TARS3: variants seen among roughly 807,000 people sequenced by gnomAD.
TARS3 encodes the protein threonyl-tRNA synthetase 3, also known as threonine--tRNA ligase 2, cytoplasmic.
A neutral mutation model predicts 103.5 loss-of-function variants in TARS3; 94 were observed. The observed-to-expected ratio is 0.91, with a 90% CI of 0.77 to 1.08. The LOEUF is 1.08. Among genes scored for constraint, TARS3 ranks in the 50% least tolerant of loss-of-function variants. The pLI is 0.00. For synonymous variants in TARS3, 416 were observed against 355.4 expected (o/e 1.17, Z -1.92); for missense variants, 952 against 995.2 (o/e 0.96, Z 0.58).
In TARS3 at chr15:101,653,604, T is replaced by C. The variant is rs1376303895; in HGVS notation, c.*978A>G. 1.3e-5 allele frequency: 2 copies of C among 152,258 alleles called. No individual in the cohort carries two copies. Among genetic ancestry groups the C allele is most frequent in the Non-Finnish European group, 2.9e-5 (2 of 68,050 alleles). 9.4% of individuals were successfully genotyped at this position (152,258 alleles called of 1,614,324 possible). ...CTTATACTACTACACAAGCCTGATA[T>C]ATATTGTTTTGTTTGCCAACTGTTT... On this transcript the variant is annotated 3_prime_UTR_variant, in exon 19 of 19. Transcript: ENST00000335968.
intron 9 of TARS3, among the ~76,000 whole-genome samples, chr15:101,701,615 G>A (rs1247027158): frequency 7.2e-5 from 11 of 152,188 alleles, no homozygotes; most frequent in Admixed American, 7.2e-4. Flanking sequence ...CAGCAAGGAA[G>A]ACAAGGACAC....
At position 101,684,953 on chromosome 15, in the gene TARS3, C is replaced by G. The variant is rs185598377; in HGVS notation, c.1488-716G>C. On this transcript the variant is annotated intron_variant, in intron 11 of 18. Coordinates refer to ENST00000335968, the MANE Select transcript of TARS3 (RefSeq NM_152334.3). ...AGAAGATGAGTTAAGAAATTGTTAA[C>G]ACAAGTGTTTTACAATGCAAAACAC... Among the ~76,000 whole-genome samples, 6 of 152,294 alleles carry G rather than the reference C, an allele frequency of 3.9e-5. No individual in the cohort carries two copies. In the East Asian group the frequency reaches 7.7e-4, roughly 20 times the overall value.
At chr15:101,670,708 A>G (rs1297074529) in intron 15 of TARS3, among the ~76,000 whole-genome samples, 1 of 152,208 alleles carries the variant, frequency 6.6e-6, no homozygotes. Context: ...CTATACACTA[A>G]TATCTACAGC....
chr15:101,681,651 G>A (rs1025250249), intron 12 of TARS3, among the ~76,000 whole-genome samples: 3 of 152,170 alleles, frequency 2.0e-5, no homozygotes, highest in Non-Finnish European at 2.9e-5. Flanking sequence ...GTTTGCCAAC[G>A]GCTGACTTCT....
Position 101,653,770 on chromosome 15 carries a change from A to C in TARS3, c.*812T>G, listed in dbSNP as rs934712199. 11 of 152,234 alleles carry C rather than the reference A, an allele frequency of 7.2e-5. No individual in the cohort carries two copies. Among genetic ancestry groups the C allele is most frequent in the African/African-American group, 2.4e-4 (10 of 41,466 alleles). 9.4% of individuals were successfully genotyped at this position (152,234 alleles called of 1,614,324 possible). A position where few individuals can be genotyped will look rare whatever the true frequency, so the allele number is the denominator to read the frequency against. On this transcript the variant is annotated 3_prime_UTR_variant, in exon 19 of 19. Transcript: ENST00000335968. ...TGGTAGCTGAATTCTCTATTGACATAATGCCATTTTAATTCAGTTCTGAGC... is the reference window on the plus strand; with the variant it reads ...TGGTAGCTGAATTCTCTATTGACATCATGCCATTTTAATTCAGTTCTGAGC...
intron 14 of TARS3, 33 bp from the exon 15 acceptor site, chr15:101,671,619 GTATT>G: frequency 1.2e-6 from 2 of 1,608,232 alleles, no homozygotes; most frequent in Non-Finnish European, 1.7e-6. Context: ...TCAGAAAAGA[GTATT>G]TATTTTTCTT....
chr15:101,701,723 C>T (rs1031202212), intron 9 of TARS3, among the ~76,000 whole-genome samples: 5 of 152,236 alleles, frequency 3.3e-5, no homozygotes, highest in Admixed American at 3.3e-4. Flanking sequence ...CTTCTACACG[C>T]TGCTCTGTCT....
intron 12 of TARS3, among the ~76,000 whole-genome samples, chr15:101,677,632 G>A (rs1179966700): frequency 1.3e-5 from 2 of 152,096 alleles, no homozygotes; most frequent in African/African-American, 4.8e-5. Context: ...CTGAGTAGCT[G>A]GGATTACAGG....
Position 101,698,062 on chromosome 15 carries a change from C to T in TARS3, c.1320+3024G>A, listed in dbSNP as rs1043161365. Among the ~76,000 whole-genome samples the T allele has an allele frequency of 6.6e-5, 10 of 152,298 alleles. No homozygotes were observed. The East Asian group carries it at 1.2e-3, about 18-fold the overall frequency. ...GAGAACAAAGCTACCCCAGGCCGGG[C>T]GCGGTGACTCACGCCTGTAATCCCA... is the stretch of plus-strand genomic sequence containing the variant. On this transcript the variant is annotated intron_variant, in intron 10 of 18. Coordinates refer to ENST00000335968, the MANE Select transcript of TARS3 (RefSeq NM_152334.3).
At chr15:101,661,914 T>C (rs1567322722) in intron 15 of TARS3, 98 bp from the exon 16 acceptor site, 1 of 661,006 alleles carries the variant, frequency 1.5e-6, no homozygotes, top group Non-Finnish European at 2.4e-6. Flanking sequence ...AGATTAGTGA[T>C]ATCAGATCTC....
chr15:101,710,829 G>A (rs1286401042), intron 5 of TARS3, among the ~76,000 whole-genome samples: 1 of 152,078 alleles, frequency 6.6e-6, no homozygotes, highest in Non-Finnish European at 1.5e-5. Context: ...GGAGAGGGGG[G>A]TGGGAGAACT....
intron 10 of TARS3, among the ~76,000 whole-genome samples, chr15:101,698,198 G>A (rs2141424449): frequency 6.6e-6 from 1 of 152,284 alleles, no homozygotes; most frequent in Middle Eastern, 3.4e-3. Flanking sequence ...CTGGCATGGT[G>A]GCAGGCGCCT....
intron 7 of TARS3, among the ~76,000 whole-genome samples, chr15:101,705,056 G>A (rs930463445): frequency 2.6e-5 from 4 of 152,160 alleles, no homozygotes; most frequent in South Asian, 2.1e-4. Context: ...CCAGATGGCC[G>A]GAACACACGG....
At chr15:101,698,325 T>A (rs1162896041) in intron 10 of TARS3, among the ~76,000 whole-genome samples, 13 of 151,842 alleles carry the variant, frequency 8.6e-5, no homozygotes, top group Non-Finnish European at 2.9e-5. Flanking sequence ...ACAGCGAGAC[T>A]CTGTCTCAAA....
intron 11 of TARS3, among the ~76,000 whole-genome samples, chr15:101,685,484 GTAT>G (rs1898429975): frequency 2.6e-5 from 4 of 152,096 alleles, no homozygotes. Context: ...AAGAAAAATG[GTAT>G]CTTGGAATCA....
intron 10 of TARS3, among the ~76,000 whole-genome samples, chr15:101,694,021 A>C (rs1246999210): frequency 6.6e-6 from 1 of 152,210 alleles, no homozygotes; most frequent in African/African-American, 2.4e-5. Context: ...TGACAATTAA[A>C]AAAGTTAATT....
At chr15:101,674,912 A>G (rs1897960476) in intron 13 of TARS3, among the ~76,000 whole-genome samples, 1 of 152,150 alleles carries the variant, frequency 6.6e-6, no homozygotes, top group Non-Finnish European at 1.5e-5. Context: ...GGTACCATCC[A>G]GGGTTTTGGG....
Position 101,724,401 on chromosome 15 carries a change from A to C in TARS3, c.-14T>G. On this transcript the variant is annotated 5_prime_UTR_variant, in exon 1 of 19. Coordinates refer to ENST00000335968, the MANE Select transcript of TARS3 (RefSeq NM_152334.3). Reference sequence around the variant, plus strand: ...CTCGGCCGCCATCGCGGCCTCCCTCAGGCACCGACGCCGAGCGGGGTGCCC... The same window carrying C: ...CTCGGCCGCCATCGCGGCCTCCCTCCGGCACCGACGCCGAGCGGGGTGCCC... 1 of 1,422,274 alleles carries C rather than the reference A, an allele frequency of 7.0e-7. No homozygotes were observed. Among genetic ancestry groups the C allele is most frequent in the Non-Finnish European group, 9.1e-7 (1 of 1,095,036 alleles). 88.1% of individuals were successfully genotyped at this position (1,422,274 alleles called of 1,614,324 possible).
chr15:101,656,845 C>T lies in TARS3; in HGVS notation c.2260+77G>A, dbSNP rs1567319425. 7.1e-6 allele frequency: 6 copies of T among 845,348 alleles called. No individual in the cohort carries two copies. In the Admixed American group the frequency reaches 1.2e-4, roughly 17 times the overall value. 52.4% of individuals were successfully genotyped at this position (845,348 alleles called of 1,614,324 possible). A position where few individuals can be genotyped will look rare whatever the true frequency, so the allele number is the denominator to read the frequency against. On this transcript the variant is annotated intron_variant, in intron 18 of 18. Coordinates refer to ENST00000335968, the MANE Select transcript of TARS3 (RefSeq NM_152334.3). ...AATCATGATAATCAAGTAGTTGAAC[C>T]ATATTTCTTATTTGGTCTTTTGGAA...
Sources: allele counts gnomAD v4.1 joint callset (sites outside exome capture counted in the v4.1 genomes callset), GRCh38; gene constraint gnomAD v4.1.1; transcripts MANE v1.5; gene names NCBI Gene and HGNC (gene_info 2026-07-23, HGNC 2026-07-21).